Variants in DCC observed in about 807,000 individuals in gnomAD.
The protein encoded by DCC is netrin receptor DCC.
A neutral mutation model predicts 172.5 loss-of-function variants in DCC; 58 were observed. The ratio of observed to expected loss-of-function variants is 0.34; its 90% CI spans 0.27 to 0.42. DCC has a LOEUF of 0.42. Among genes scored for constraint, DCC ranks in the 10% least tolerant of loss-of-function variants. The pLI is 1.00. For missense variants in DCC, 1,740 were observed against 1,791.0 expected, an observed-to-expected ratio of 0.97 and a Z score of 0.51; for synonymous variants, 709 against 644.5, an observed-to-expected ratio of 1.10 and a Z score of -1.52.
intron 5 of DCC, among the ~76,000 whole-genome samples, chr18:52,942,048 G>T (rs1045290944): frequency 2.6e-5 from 4 of 152,168 alleles, no homozygotes; most frequent in African/African-American, 7.2e-5. Context: ...TTCCCAAAGT[G>T]CTGGGATTAC....
At chr18:52,597,933 T>G (rs992622641) in intron 1 of DCC, among the ~76,000 whole-genome samples, 2 of 152,210 alleles carry the variant, frequency 1.3e-5, no homozygotes, top group Admixed American at 1.3e-4. Context: ...ATGTCCTGTT[T>G]ATTAACTCAG....
intron 15 of DCC, among the ~76,000 whole-genome samples, chr18:53,361,006 A>G (rs551429114): frequency 1.2e-4 from 19 of 152,250 alleles, no homozygotes; most frequent in African/African-American, 4.6e-4. Context: ...GCAGATGTCA[A>G]TAAGTTAAGG....
chr18:53,212,774 G>T (rs1390058424), intron 11 of DCC, among the ~76,000 whole-genome samples: 1 of 151,978 alleles, frequency 6.6e-6, no homozygotes, highest in African/African-American at 2.4e-5. Flanking sequence ...AGGTTCAAGT[G>T]ATTCTCCTGC....
chr18:52,943,255 G>T (rs1256626721), intron 5 of DCC, among the ~76,000 whole-genome samples: 2 of 152,164 alleles, frequency 1.3e-5, no homozygotes, highest in African/African-American at 2.4e-5. Context: ...TATTTCTGCT[G>T]CCTCTTTCTC....
At chr18:52,920,953 A>G (rs2040115606) in intron 3 of DCC, among the ~76,000 whole-genome samples, 1 of 152,172 alleles carries the variant, frequency 6.6e-6, no homozygotes, top group Non-Finnish European at 1.5e-5. Flanking sequence ...TTCTAGTGAT[A>G]TGACATCCTG....
chr18:52,939,100 T>G (rs1237807056), intron 5 of DCC, among the ~76,000 whole-genome samples: 1 of 152,186 alleles, frequency 6.6e-6, no homozygotes, highest in Non-Finnish European at 1.5e-5. Flanking sequence ...ATTTGGTTTG[T>G]CTTCACCTTT....
chr18:53,392,629 A>G (rs1908628302), intron 17 of DCC, among the ~76,000 whole-genome samples: 1 of 152,230 alleles, frequency 6.6e-6, no homozygotes, highest in African/African-American at 2.4e-5. Flanking sequence ...AACTGCTATG[A>G]TGTTAGTATA....
intron 9 of DCC, among the ~76,000 whole-genome samples, chr18:53,200,194 T>C (rs1195780146): frequency 6.6e-6 from 1 of 152,158 alleles, no homozygotes; most frequent in Non-Finnish European, 1.5e-5. Flanking sequence ...CAATAGTAAT[T>C]AAGCTACGTA....
chr18:53,124,664 G>T (rs2043529620), intron 7 of DCC, among the ~76,000 whole-genome samples: 1 of 151,946 alleles, frequency 6.6e-6, no homozygotes, highest in Admixed American at 6.6e-5. Context: ...AGATCTTCTT[G>T]CATTTCCCTT....
At chr18:52,378,009 C>CT (rs777425484) in intron 1 of DCC, among the ~76,000 whole-genome samples, 43 of 151,814 alleles carry the variant, frequency 2.8e-4, no homozygotes, top group African/African-American at 9.7e-4. Context: ...CAAGCCATTT[C>CT]TTTTTTTTCT....
At chr18:53,433,408 T>C (rs1004883248) in intron 21 of DCC, among the ~76,000 whole-genome samples, 3 of 152,168 alleles carry the variant, frequency 2.0e-5, no homozygotes, top group Non-Finnish European at 4.4e-5. Context: ...AGGAAAATCC[T>C]CCATAGGCTA....
chr18:52,991,919 A>G lies in DCC; in HGVS notation c.985+66549A>G, dbSNP rs151087904. ...TTCTTCTATAGCTAGCAGCTAAACA[A>G]ATCACTTATTATAACGCAAGGTGGG... is the stretch of plus-strand genomic sequence containing the variant. On this transcript the variant is annotated intron_variant, in intron 5 of 28. Coordinates refer to ENST00000442544, the MANE Select transcript of DCC (RefSeq NM_005215.4). Among the ~76,000 whole-genome samples the G allele has an allele frequency of 1.4e-4, 21 of 152,316 alleles. 1 individual carries two copies. The East Asian group carries it at 3.7e-3, about 27-fold the overall frequency.
intron 1 of DCC, among the ~76,000 whole-genome samples, chr18:52,359,627 A>G (rs1984531302): frequency 6.6e-6 from 1 of 152,200 alleles, no homozygotes; most frequent in Non-Finnish European, 1.5e-5. Context: ...ATCATCTATT[A>G]TGAACAATGA....
At chr18:52,903,298 G>A (rs1328734731) in intron 2 of DCC, among the ~76,000 whole-genome samples, 1 of 152,096 alleles carries the variant, frequency 6.6e-6, no homozygotes, top group Non-Finnish European at 1.5e-5. Context: ...CTCTGCCTCT[G>A]GGCTCAAGTG....
intron 12 of DCC, among the ~76,000 whole-genome samples, chr18:53,290,433 A>G (rs972772818): frequency 2.0e-5 from 3 of 152,230 alleles, no homozygotes; most frequent in African/African-American, 7.2e-5. Context: ...ATAAATAGCT[A>G]TATAAGTACT....
chr18:53,410,788 C>A, intron 20 of DCC, 142 bp downstream of exon 20: 1 of 674,550 alleles, frequency 1.5e-6, no homozygotes. Flanking sequence ...TAAAATGTAG[C>A]TTTTTATGCT....
intron 15 of DCC, among the ~76,000 whole-genome samples, chr18:53,357,704 A>G (rs2057892575): frequency 6.6e-6 from 1 of 152,216 alleles, no homozygotes; most frequent in African/African-American, 2.4e-5. Context: ...AAGTCATTTA[A>G]TGGTAAATGA....
intron 5 of DCC, among the ~76,000 whole-genome samples, chr18:53,016,929 A>AGT (rs2041814812): frequency 6.6e-6 from 1 of 152,210 alleles, no homozygotes; most frequent in South Asian, 2.1e-4. Context: ...AGAAGATAGA[A>AGT]GTAGCTAGTT....
intron 1 of DCC, among the ~76,000 whole-genome samples, chr18:52,696,880 C>T (rs1407571352): frequency 1.0e-5 from 1 of 97,530 alleles, no homozygotes; most frequent in Non-Finnish European, 2.6e-5. Context: ...CTCCTTGCAT[C>T]AGAAATAAAA....
Sources: gnomAD v4.1 joint callset for allele counts (sites outside exome capture counted in the v4.1 genomes callset) on GRCh38, gnomAD v4.1.1 for gene constraint, MANE v1.5 for transcripts, NCBI Gene and HGNC (gene_info 2026-07-23, HGNC 2026-07-21) for gene names.